FRMD5: variants seen among roughly 807,000 people sequenced by gnomAD.
FRMD5 encodes FERM domain containing 5.
In FRMD5, 20 loss-of-function variants were observed where a neutral mutation model predicts 69.0. That is an observed-to-expected ratio of 0.29 (90% CI 0.20 to 0.42). The LOEUF is 0.42. Among genes scored for constraint, FRMD5 ranks in the 10% least tolerant of loss-of-function variants. The pLI, the probability that FRMD5 is intolerant of heterozygous loss-of-function variation, is 1.00. For synonymous variants in FRMD5, 271 were observed against 260.1 expected, an observed-to-expected ratio of 1.04 and a Z score of -0.40; for missense variants, 595 against 708.6, an observed-to-expected ratio of 0.84 and a Z score of 1.82.
At chr15:43,894,689 C>T (rs556311342) in intron 7 of FRMD5, among the ~76,000 whole-genome samples, 3 of 152,100 alleles carry the variant, frequency 2.0e-5, no homozygotes, top group African/African-American at 7.2e-5. Context: ...GGGAGGGAGG[C>T]AGCGGAGGGC....
chr15:43,934,611 A>C (rs1199561283), intron 1 of FRMD5, among the ~76,000 whole-genome samples: 1 of 152,230 alleles, frequency 6.6e-6, no homozygotes, highest in African/African-American at 2.4e-5. Context: ...AGCAGGCCTG[A>C]CACAGTGAAC....
intron 1 of FRMD5, chr15:43,990,288 C>T (rs2140133695): frequency 3.6e-6 from 1 of 279,798 alleles, no homozygotes; most frequent in Non-Finnish European, 6.9e-6. Flanking sequence ...TTTATATGCA[C>T]TGGGAAACCA....
rs1446755816 is a variant in FRMD5, at chr15:43,953,447, A to G, written c.103-29138T>C. ...AAGCATCACTCCTACTCCACAACCAAAAGAAAATCAGCAATGAGAAGAAGG... is the reference window on the plus strand; with the variant it reads ...AAGCATCACTCCTACTCCACAACCAGAAGAAAATCAGCAATGAGAAGAAGG... On this transcript the variant is annotated intron_variant, in intron 1 of 13. Transcript: ENST00000417257. Among the ~76,000 whole-genome samples, 8 of 152,328 alleles carry G rather than the reference A, an allele frequency of 5.3e-5. No homozygotes were observed. The East Asian group carries it at 1.5e-3, about 29-fold the overall frequency.
intron 1 of FRMD5, among the ~76,000 whole-genome samples, chr15:44,057,862 G>T (rs542705327): frequency 1.3e-5 from 2 of 152,122 alleles, no homozygotes; most frequent in Non-Finnish European, 2.9e-5. Context: ...CAGTTCCAGC[G>T]CTTTATGATC....
chr15:44,120,592 A>G (rs2076934453), intron 1 of FRMD5, among the ~76,000 whole-genome samples: 1 of 138,838 alleles, frequency 7.2e-6, no homozygotes, highest in Non-Finnish European at 1.5e-5. Flanking sequence ...GGAGTGCAGG[A>G]GTGCAATCTC....
intron 1 of FRMD5, among the ~76,000 whole-genome samples, chr15:44,153,925 G>A (rs533152443): frequency 3.3e-5 from 5 of 152,106 alleles, no homozygotes; most frequent in East Asian, 1.9e-4. Flanking sequence ...CCAAGATGGC[G>A]CCACTGCACT....
At chr15:44,159,121 CAT>C (rs1367333210) in intron 1 of FRMD5, among the ~76,000 whole-genome samples, 6 of 152,066 alleles carry the variant, frequency 3.9e-5, no homozygotes, top group African/African-American at 1.4e-4. Context: ...AAAAGACACA[CAT>C]GTTCTGTTTG....
chr15:44,116,670 C>T (rs773196176), intron 1 of FRMD5, among the ~76,000 whole-genome samples: 3 of 152,154 alleles, frequency 2.0e-5, no homozygotes, highest in Non-Finnish European at 4.4e-5. Flanking sequence ...TTATGCCCCT[C>T]GCTCCCCAGT....
chr15:44,194,094 G>A (rs868511099), intron 1 of FRMD5: 9 of 152,212 alleles, frequency 5.9e-5, no homozygotes, highest in African/African-American at 1.4e-4. Flanking sequence ...GAGGAGAGAG[G>A]GCTGTGACTG....
intron 1 of FRMD5, among the ~76,000 whole-genome samples, chr15:44,042,623 C>T (rs954873506): frequency 5.9e-5 from 9 of 152,206 alleles, no homozygotes; most frequent in African/African-American, 2.2e-4. Flanking sequence ...GCTGGTTCAA[C>T]ATACGCAAAT....
chr15:44,088,266 G>T (rs558140507), intron 1 of FRMD5, among the ~76,000 whole-genome samples: 21 of 152,020 alleles, frequency 1.4e-4, no homozygotes, highest in African/African-American at 5.1e-4. Flanking sequence ...CACCATTCCC[G>T]AAAGAAACCA....
chr15:43,915,764 C>G (rs1340768618), intron 4 of FRMD5, among the ~76,000 whole-genome samples: 2 of 152,128 alleles, frequency 1.3e-5, no homozygotes, highest in Non-Finnish European at 2.9e-5. Context: ...CCTACTTCAC[C>G]CCCTTCTCTC....
In FRMD5 at chr15:43,999,923, GTATATATATATATATATATATA is replaced by G. The variant is rs57166959; in HGVS notation, c.103-75636_103-75615del. ...CCATTTTATATTTGTGTGTGTGTAT[GTATATATATATATATATATATA>G]TGCCATGCATATATATATATATATA... On this transcript the variant is annotated intron_variant, in intron 1 of 13. Transcript: ENST00000417257. Among the ~76,000 whole-genome samples the G allele has an allele frequency of 6.7e-3, 390 of 58,266 alleles. 10 individuals are homozygous for G. The highest frequency in any genetic ancestry group is 0.029 in the African/African-American group (374 of 12,914). 38.2% of individuals were successfully genotyped at this position (58,266 alleles called of 152,430 possible). A position where few individuals can be genotyped will look rare whatever the true frequency, so the allele number is the denominator to read the frequency against.
chr15:43,989,594 C>A, intron 1 of FRMD5: 1 of 853,334 alleles, frequency 1.2e-6, no homozygotes. Flanking sequence ...GAAGATGTAG[C>A]TGTGCTAGGT....
chr15:43,962,683 G>A (rs1022647434), intron 1 of FRMD5, among the ~76,000 whole-genome samples: 1 of 152,208 alleles, frequency 6.6e-6, no homozygotes, highest in African/African-American at 2.4e-5. Context: ...AACAAAATCA[G>A]CATGGTACTG....
chr15:43,885,786 C>T lies in FRMD5; in HGVS notation c.885-31G>A, dbSNP rs775542956. 1.1e-5 allele frequency: 17 copies of T among 1,568,788 alleles called. No individual in the cohort carries two copies. In the African/African-American group the frequency reaches 2.3e-4, roughly 21 times the overall value. On this transcript the variant is annotated intron_variant, in intron 10 of 13. Coordinates refer to ENST00000417257, the MANE Select transcript of FRMD5 (RefSeq NM_032892.5). ...GCAAGGCAAAGTCCAGTGTGATAGA[C>T]AGCCTGAACTGCCTCACACAGGTTA...
chr15:43,875,483 TTGTG>T (rs559605050), intron 13 of FRMD5, among the ~76,000 whole-genome samples: 2 of 150,674 alleles, frequency 1.3e-5, no homozygotes, highest in Non-Finnish European at 1.5e-5. Flanking sequence ...TTGGCCTAGT[TTGTG>T]TGTGTTTTGA....
At chr15:43,876,334 A>T in intron 13 of FRMD5, 1 of 923,216 alleles carries the variant, frequency 1.1e-6, no homozygotes, top group Non-Finnish European at 1.7e-6. Context: ...CCTGATGCAG[A>T]GCTGGGACCA....
At chr15:44,005,676 A>G (rs946441064) in intron 1 of FRMD5, among the ~76,000 whole-genome samples, 9 of 152,098 alleles carry the variant, frequency 5.9e-5, no homozygotes, top group African/African-American at 2.2e-4. Flanking sequence ...CGAGGAAAAG[A>G]GTGAGGGGAA....
Sources: gnomAD v4.1 joint callset for allele counts (sites outside exome capture counted in the v4.1 genomes callset) on GRCh38, gnomAD v4.1.1 for gene constraint, MANE v1.5 for transcripts, NCBI Gene and HGNC (gene_info 2026-07-23, HGNC 2026-07-21) for gene names.